ZNF496: variants seen among roughly 807,000 people sequenced by gnomAD.
The protein encoded by ZNF496 is NSD1 (nuclear receptor binding SET-domain containing 1)-interacting zinc finger protein 1.
In ZNF496, 11 loss-of-function variants were observed where a neutral mutation model predicts 58.9. The observed-to-expected ratio is 0.19, with a 90% CI of 0.12 to 0.31. The LOEUF (loss-of-function observed/expected upper bound fraction) is 0.31. ZNF496 is among the 10% of genes least tolerant of loss of function. The pLI is 1.00. For missense variants in ZNF496, 660 were observed against 783.0 expected, an observed-to-expected ratio of 0.84 and a Z score of 1.88; for synonymous variants, 338 against 318.2, an observed-to-expected ratio of 1.06 and a Z score of -0.66.
Position 247,308,106 on chromosome 1 carries a change from T to C in ZNF496, c.1006+369A>G, listed in dbSNP as rs2103019418. ...GCTTTGACACACCCTCCCCGGCCCC[T>C]GGGAAAGGCAAGGAGGGTGAGCCTG... is the stretch of plus-strand genomic sequence containing the variant. On this transcript the variant is annotated intron_variant, in intron 9 of 9. Coordinates refer to ENST00000682384, the MANE Select transcript of ZNF496 (RefSeq NM_032752.3). The surrounding 1 kb of genome is among the most constrained non-coding windows in gnomAD (Gnocchi z 4.5). The C allele has an allele frequency of 3.7e-6, 3 of 809,240 alleles. No individual in the cohort carries two copies. Among genetic ancestry groups the C allele is most frequent in the Non-Finnish European group, 3.0e-6 (2 of 669,174 alleles). The allele number at this position is 809,240 out of a possible 1,614,324, so 50.1% of individuals were successfully genotyped here.
Position 247,329,202 on chromosome 1 carries a change from C to G in ZNF496, c.377G>C (p.Arg126Thr). 6.2e-7 allele frequency: 1 copy of G among 1,613,512 alleles called. No individual in the cohort carries two copies. The highest frequency in any genetic ancestry group is 8.5e-7 in the Non-Finnish European group (1 of 1,180,032). The part of the protein sequence containing the change: ...AVEALEREPG[R>T]PWQWLKHCED... ...TCTTCTACTCACCCACTGCCAGGGT[C>G]TCCCGGGCTCCCGTTCCAGTGCCTC... Residue 126 changes from arginine to threonine, a missense_variant, in exon 4 of 10, where the codon AGA (arginine) becomes ACA (threonine). Physicochemically the swap from Arg to Thr is moderately conservative, Grantham distance 71. Coordinates refer to ENST00000682384, the MANE Select transcript of ZNF496 (RefSeq NM_032752.3). This position sits in a 1 kb window ranked among gnomAD's most constrained non-coding sequence, Gnocchi z 5.5.
chr1:247,326,145 CATATATATAT>C (rs71568611), intron 5 of ZNF496, among the ~76,000 whole-genome samples: 2 of 146,488 alleles, frequency 1.4e-5, no homozygotes, highest in Admixed American at 6.9e-5. Context: ...TATATACACA[CATATATATAT>C]ATATATATGA....
chr1:247,311,147 C>A (rs1395388168), intron 6 of ZNF496: 3 of 152,496 alleles, frequency 2.0e-5, no homozygotes, highest in African/African-American at 7.2e-5. Flanking sequence ...CACCTGTAAT[C>A]CCAGCACCTT....
At chr1:247,316,137 T>TGG (rs1416264893) in intron 6 of ZNF496, among the ~76,000 whole-genome samples, 4 of 53,152 alleles carry the variant, frequency 7.5e-5, no homozygotes, top group African/African-American at 3.8e-4. Context: ...GGGAGAGGGG[T>TGG]GTGTGTGTGT....
intron 6 of ZNF496, among the ~76,000 whole-genome samples, chr1:247,317,351 A>G (rs960816451): frequency 4.6e-5 from 7 of 152,338 alleles, no homozygotes; most frequent in African/African-American, 1.7e-4. Context: ...GGACCTGGAC[A>G]GGGGCAGCCC....
At chr1:247,316,628 A>G (rs1231804821) in intron 6 of ZNF496, among the ~76,000 whole-genome samples, 1 of 152,148 alleles carries the variant, frequency 6.6e-6, no homozygotes, top group East Asian at 1.9e-4. Context: ...GCCTCCATAA[A>G]TATGAGAAGT....
In ZNF496 at chr1:247,327,190, G is replaced by A. The variant is rs7543867; in HGVS notation, c.574+1493C>T. 2.8e-4 allele frequency among the ~76,000 whole-genome samples: 43 copies of A among 152,030 alleles called. 1 individual carries two copies. Among genetic ancestry groups the A allele is most frequent in the African/African-American group, 9.7e-4 (40 of 41,398 alleles). Reference sequence around the variant, plus strand: ...AGTGATTCTCCTGCCTCAGCCTCCCGAAAAGCTGGAATTATAGGCACCCAC... The same window carrying A: ...AGTGATTCTCCTGCCTCAGCCTCCCAAAAAGCTGGAATTATAGGCACCCAC... On this transcript the variant is annotated intron_variant, in intron 5 of 9. Coordinates refer to ENST00000682384, the MANE Select transcript of ZNF496 (RefSeq NM_032752.3).
chr1:247,308,530 C>G lies in ZNF496; in HGVS notation c.951G>C (p.Gln317His). The G allele has an allele frequency of 6.2e-7, 1 of 1,614,190 alleles. No homozygotes were observed. The highest frequency in any genetic ancestry group is 8.5e-7 in the Non-Finnish European group (1 of 1,180,020). Residue 317 changes from glutamine (Q) to histidine (H), a missense_variant, in exon 9 of 10, where the codon CAG (glutamine) becomes CAC (histidine). Physicochemically the swap from Gln to His is conservative, Grantham distance 24. Transcript: ENST00000682384. This position sits in a 1 kb window ranked among gnomAD's most constrained non-coding sequence, Gnocchi z 4.5. ...VEERRKREEL[Q>H]VPEFQACPQT... ...GTGGGCAGGCCTGGAACTCTGGCAC[C>G]TGCAGCTCCTCACGTTTCCTTCTTT...
intron 9 of ZNF496, chr1:247,306,991 C>T (rs776108379): frequency 2.2e-5 from 14 of 643,408 alleles, no homozygotes; most frequent in Non-Finnish European, 2.7e-5. Flanking sequence ...ATGTTTAGGA[C>T]ATAAAGAAAA....
intron 9 of ZNF496, among the ~76,000 whole-genome samples, chr1:247,301,545 C>T (rs1027051292): frequency 1.3e-5 from 2 of 152,130 alleles, no homozygotes; most frequent in African/African-American, 2.4e-5. Context: ...CCACCCCCAA[C>T]CCTTTTGTTC....
intron 9 of ZNF496, among the ~76,000 whole-genome samples, chr1:247,303,679 G>A (rs767264023): frequency 2.0e-5 from 3 of 152,234 alleles, no homozygotes; most frequent in Non-Finnish European, 2.9e-5. Context: ...TCGAAGCAAA[G>A]TGTCAAAGGC....
rs778747371 is a variant in ZNF496, at chr1:247,300,581, G to C, written c.1702C>G (p.Leu568Val). 9 of 1,613,710 alleles carry C rather than the reference G, an allele frequency of 5.6e-6. No homozygotes were observed. Among genetic ancestry groups the C allele is most frequent in the Non-Finnish European group, 6.8e-6 (8 of 1,179,816 alleles). ...CVKSFTQNYDLLRHERLHMKR... is the reference protein window; with the variant it reads ...CVKSFTQNYDVLRHERLHMKR... The stretch of plus-strand genomic sequence containing the variant: ...ATGTGCAGGCGCTCGTGGCGGAGGA[G>C]GTCATAGTTCTGCGTGAAGCTCTTG... Residue 568 changes from leucine to valine, a missense_variant, in exon 10 of 10, where the codon CTC becomes GTC. Transcript: ENST00000682384. This position sits in a 1 kb window ranked among gnomAD's most constrained non-coding sequence, Gnocchi z 5.7.
intron 6 of ZNF496, chr1:247,322,753 A>G (rs1660001588): frequency 7.7e-7 from 1 of 1,291,298 alleles, no homozygotes; most frequent in South Asian, 1.2e-5. Flanking sequence ...TCCACTTCCT[A>G]ACATTTCTAA....
chr1:247,329,399 C>T lies in ZNF496; in HGVS notation c.180G>A (p.Leu60=). The change falls in exon 4 of 10, where the codon CTG becomes CTA. Residue 60 remains leucine (L), a synonymous_variant. Coordinates refer to ENST00000682384, the MANE Select transcript of ZNF496 (RefSeq NM_032752.3). The surrounding 1 kb of genome is among the most constrained non-coding windows in gnomAD (Gnocchi z 5.5). The part of the protein sequence containing the change: ...YQEAAGPREA[L]QRLWDLCGGW... ...CCCCGCACAGGTCCCAGAGGCGCTG[C>T]AGGGCCTCCCGGGGGCCCGCCGCCT... 1 of 1,613,270 alleles carries T rather than the reference C, an allele frequency of 6.2e-7. No individual in the cohort carries two copies. Among genetic ancestry groups the T allele is most frequent in the South Asian group, 1.1e-5 (1 of 91,058 alleles).
intron 6 of ZNF496, among the ~76,000 whole-genome samples, chr1:247,319,602 G>A (rs564737723): frequency 6.6e-6 from 1 of 152,302 alleles, no homozygotes; most frequent in East Asian, 1.9e-4. Context: ...GTAACTGGCA[G>A]AGTAGATTAG....
At chr1:247,306,600 C>T (rs1191183477) in intron 9 of ZNF496, among the ~76,000 whole-genome samples, 2 of 150,650 alleles carry the variant, frequency 1.3e-5, no homozygotes, top group African/African-American at 4.9e-5. Flanking sequence ...CTCCCAGGTT[C>T]AAGCGATTCT....
At chr1:247,302,378 G>A (rs1426485670) in intron 9 of ZNF496, among the ~76,000 whole-genome samples, 1 of 152,106 alleles carries the variant, frequency 6.6e-6, no homozygotes, top group Non-Finnish European at 1.5e-5. Context: ...AGTCACAAGG[G>A]GGTCGGGGGA....
rs1659214567 is a variant in ZNF496, at chr1:247,300,820, G to A, written c.1463C>T (p.Pro488Leu). 1.9e-6 allele frequency: 3 copies of A among 1,607,356 alleles called. No homozygotes were observed. Among genetic ancestry groups the A allele is most frequent in the African/African-American group, 1.3e-5 (1 of 74,990 alleles). Reference sequence around the variant, plus strand: ...CTTCTCCACCGGCTGGAGTCTGTCCGGCTGCAGGTGTATCCGCCGGTGGGA... The same window carrying A: ...CTTCTCCACCGGCTGGAGTCTGTCCAGCTGCAGGTGTATCCGCCGGTGGGA... Reference protein sequence around the residue: ...LLSHRRIHLQPDRLQPVEKRE... With the variant: ...LLSHRRIHLQLDRLQPVEKRE... Residue 488 changes from proline (P) to leucine (L), a missense_variant, in exon 10 of 10, where the codon CCG (proline) becomes CTG (leucine). Pro to Leu is a moderately conservative substitution (Grantham distance 98, BLOSUM62 -3). Coordinates refer to ENST00000682384, the MANE Select transcript of ZNF496 (RefSeq NM_032752.3). The surrounding 1 kb of genome is among the most constrained non-coding windows in gnomAD (Gnocchi z 5.7).
At chr1:247,320,123 T>A (rs944188448) in intron 6 of ZNF496, among the ~76,000 whole-genome samples, 6 of 152,214 alleles carry the variant, frequency 3.9e-5, no homozygotes, top group African/African-American at 1.4e-4. Flanking sequence ...AACGATTGCA[T>A]ACCTGGGCAT....
Sources: gnomAD v4.1 joint callset for allele counts (sites outside exome capture counted in the v4.1 genomes callset) on GRCh38, gnomAD v4.1.1 for gene constraint, Gnocchi (gnomAD v3.1) non-coding constraint, MANE v1.5 for transcripts, NCBI Gene and HGNC (gene_info 2026-07-23, HGNC 2026-07-21) for gene names.